Variants in SPOCD1 observed in about 807,000 individuals in gnomAD.
SPOCD1 encodes the protein SPOC domain containing 1.
Under a neutral mutation model 92.2 loss-of-function variants are expected in SPOCD1, and 64 were observed. That is an observed-to-expected ratio of 0.69 (90% CI 0.57 to 0.86). The LOEUF is 0.86. Ranked by LOEUF, SPOCD1 falls within the 40% of genes least tolerant of loss-of-function variation. SPOCD1 has a pLI of 0.00. For synonymous variants in SPOCD1, 578 were observed against 619.3 expected, an observed-to-expected ratio of 0.93 and a Z score of 0.99; for missense variants, 1,360 against 1,543.1, an observed-to-expected ratio of 0.88 and a Z score of 1.99.
At chr1:31,810,836 T>C (rs1649148773) in intron 2 of SPOCD1, among the ~76,000 whole-genome samples, 1 of 152,242 alleles carries the variant, frequency 6.6e-6, no homozygotes, top group African/African-American at 2.4e-5. Flanking sequence ...CCAGGGATTC[T>C]GGGTCAGGCC....
At chr1:31,799,174 C>T (rs1648251062) in intron 7 of SPOCD1, among the ~76,000 whole-genome samples, 1 of 152,192 alleles carries the variant, frequency 6.6e-6, no homozygotes, top group Admixed American at 6.5e-5. Context: ...TGAGCCGAGG[C>T]TGAGAGCTGC....
intron 2 of SPOCD1, among the ~76,000 whole-genome samples, chr1:31,803,611 T>C (rs1230871369): frequency 2.7e-5 from 4 of 149,276 alleles, no homozygotes; most frequent in Non-Finnish European, 5.9e-5. Context: ...CATGGTGGTG[T>C]GTACCTGTAG....
intron 2 of SPOCD1, among the ~76,000 whole-genome samples, chr1:31,813,121 TTA>T (rs1183683221): frequency 6.6e-6 from 1 of 152,186 alleles, no homozygotes; most frequent in African/African-American, 2.4e-5. Flanking sequence ...CTGGAGAATA[TTA>T]TTAACCCTCC....
intron 2 of SPOCD1, among the ~76,000 whole-genome samples, chr1:31,808,141 A>G (rs879430165): frequency 6.6e-6 from 1 of 152,190 alleles, no homozygotes; most frequent in Non-Finnish European, 1.5e-5. Context: ...AATTCATTCT[A>G]TGAAGCTAGC....
At position 31,798,884 on chromosome 1, in the gene SPOCD1, C is replaced by T. The variant is rs949315306; in HGVS notation, c.1869-283G>A. The T allele has an allele frequency of 7.0e-6, 4 of 571,058 alleles. No individual in the cohort carries two copies. Among genetic ancestry groups the T allele is most frequent in the Non-Finnish European group, 9.3e-6 (3 of 323,392 alleles). The allele number at this position is 571,058 out of a possible 1,614,324, so 35.4% of individuals were successfully genotyped here. On this transcript the variant is annotated intron_variant, in intron 7 of 15. Transcript: ENST00000360482. This position sits in a 1 kb window ranked among gnomAD's most constrained non-coding sequence, Gnocchi z 4.1. ...CAAGATTTGAAACTCGACTGTCTGA[C>T]TCACCAGCCTGTGCCCCGTCTCTGG...
At chr1:31,807,077 T>C (rs1648867834) in intron 2 of SPOCD1, among the ~76,000 whole-genome samples, 1 of 151,324 alleles carries the variant, frequency 6.6e-6, no homozygotes, top group African/African-American at 2.4e-5. Context: ...AGCAACAAAA[T>C]ATGTTTGGAA....
intron 2 of SPOCD1, among the ~76,000 whole-genome samples, chr1:31,804,981 C>CTTTTTT (rs1648718567): frequency 1.7e-4 from 9 of 54,302 alleles, no homozygotes; most frequent in Non-Finnish European, 2.4e-4. Flanking sequence ...TTCTTTCTTT[C>CTTTTTT]TTTCTTTTTT....
intron 6 of SPOCD1, 58 bp downstream of exon 6, chr1:31,799,751 C>T: frequency 6.3e-7 from 1 of 1,593,784 alleles, no homozygotes; most frequent in African/African-American, 1.3e-5. Flanking sequence ...GGGCCTGAGT[C>T]CTCCCCAGAC....
At chr1:31,811,078 T>C (rs1649166531) in intron 2 of SPOCD1, among the ~76,000 whole-genome samples, 1 of 152,190 alleles carries the variant, frequency 6.6e-6, no homozygotes, top group African/African-American at 2.4e-5. Context: ...ACGGCCAGCC[T>C]CTGATATCAG....
chr1:31,812,069 G>GT (rs1232267449), intron 2 of SPOCD1, among the ~76,000 whole-genome samples: 1 of 152,168 alleles, frequency 6.6e-6, no homozygotes, highest in Non-Finnish European at 1.5e-5. Flanking sequence ...TCACTAACAG[G>GT]TAACCTATTT....
At chr1:31,806,155 G>A (rs952889788) in intron 2 of SPOCD1, among the ~76,000 whole-genome samples, 4 of 150,782 alleles carry the variant, frequency 2.7e-5, no homozygotes, top group East Asian at 1.9e-4. Flanking sequence ...TCCACCATGA[G>A]AGCAAGAAAA....
At chr1:31,810,968 C>T (rs1649157010) in intron 2 of SPOCD1, among the ~76,000 whole-genome samples, 1 of 152,184 alleles carries the variant, frequency 6.6e-6, no homozygotes, top group Non-Finnish European at 1.5e-5. Context: ...CTCCAAACCT[C>T]ACTGGCCACT....
chr1:31,810,641 C>G (rs1462947621), intron 2 of SPOCD1, among the ~76,000 whole-genome samples: 1 of 152,170 alleles, frequency 6.6e-6, no homozygotes, highest in Non-Finnish European at 1.5e-5. Flanking sequence ...AGCCACCACG[C>G]CTGGCCGACA....
At chr1:31,815,526 C>T (rs1649507122) in intron 1 of SPOCD1, among the ~76,000 whole-genome samples, 154 bp from the exon 2 acceptor site, 1 of 152,204 alleles carries the variant, frequency 6.6e-6, no homozygotes, top group Admixed American at 6.5e-5. Flanking sequence ...GGGGAGCACC[C>T]AGCAGGAGCT....
chr1:31,812,272 A>G lies in SPOCD1; in HGVS notation c.1383+1679T>C, dbSNP rs931214113. On this transcript the variant is annotated intron_variant, in intron 2 of 15. Coordinates refer to ENST00000360482, the MANE Select transcript of SPOCD1 (RefSeq NM_144569.7). ...CAAAGTCAAGATTGAATGTTAGCCT[A>G]TTGGCCTCCAGGGCTCATGCTCCTC... Among the ~76,000 whole-genome samples the G allele has an allele frequency of 8.5e-5, 13 of 152,148 alleles. No homozygotes were observed. In the South Asian group the frequency reaches 2.5e-3, roughly 29 times the overall value.
intron 15 of SPOCD1, 71 bp downstream of exon 15, chr1:31,792,144 T>C: frequency 1.3e-6 from 2 of 1,502,698 alleles, no homozygotes; most frequent in Non-Finnish European, 1.8e-6. Context: ...ACTGGGTGAC[T>C]GTGTCAACCG....
In SPOCD1 at chr1:31,814,967, G is replaced by A. The variant is rs1190818817; in HGVS notation, c.367C>T (p.Leu123=). The A allele has an allele frequency of 1.2e-6, 2 of 1,613,854 alleles. No homozygotes were observed. The highest frequency in any genetic ancestry group is 1.7e-6 in the Non-Finnish European group (2 of 1,180,034). Residue 123 remains leucine (L), a synonymous_variant, in exon 2 of 16, where the codon CTG becomes TTG. Coordinates refer to ENST00000360482, the MANE Select transcript of SPOCD1 (RefSeq NM_144569.7). The surrounding 1 kb of genome is among the most constrained non-coding windows in gnomAD (Gnocchi z 4.2). ...ALTSKRLQVS[L]CDILDDSCPR... is the part of the protein sequence containing the mutation. Reference sequence around the variant, plus strand: ...CAACTGTCATCTAAGATGTCACACAGAGAAACCTGGAGCCTCTTGGAGGTC... The same window carrying A: ...CAACTGTCATCTAAGATGTCACACAAAGAAACCTGGAGCCTCTTGGAGGTC...
intron 13 of SPOCD1, 147 bp from the exon 14 acceptor site, chr1:31,792,914 A>C: frequency 1.4e-6 from 1 of 729,368 alleles, no homozygotes; most frequent in East Asian, 2.7e-5. Context: ...AGAAAGCTCT[A>C]ATTGCCCCAT....
At chr1:31,805,043 A>G (rs1039438287) in intron 2 of SPOCD1, among the ~76,000 whole-genome samples, 2 of 141,044 alleles carry the variant, frequency 1.4e-5, no homozygotes, top group African/African-American at 5.5e-5. Flanking sequence ...ATGCAGTGGC[A>G]TGATCTTGGC....
Sources: gnomAD v4.1 joint callset for allele counts (sites outside exome capture counted in the v4.1 genomes callset) on GRCh38, gnomAD v4.1.1 for gene constraint, Gnocchi (gnomAD v3.1) non-coding constraint, MANE v1.5 for transcripts, NCBI Gene and HGNC (gene_info 2026-07-23, HGNC 2026-07-21) for gene names.